IMMP2L: variants seen among roughly 807,000 people sequenced by gnomAD.
IMMP2L encodes inner mitochondrial membrane peptidase subunit 2, also known as mitochondrial inner membrane protease subunit 2.
A neutral mutation model predicts 19.3 loss-of-function variants in IMMP2L; 18 were observed. That is an observed-to-expected ratio of 0.93 (90% CI 0.64 to 1.38). The LOEUF is 1.38. Ranked by LOEUF, IMMP2L falls within the 40% of genes most tolerant of loss-of-function variation. IMMP2L has a pLI of 0.00. For synonymous variants in IMMP2L, 76 were observed against 73.0 expected, an observed-to-expected ratio of 1.04 and a Z score of -0.21; for missense variants, 233 against 218.2, an observed-to-expected ratio of 1.07 and a Z score of -0.43.
intron 3 of IMMP2L, among the ~76,000 whole-genome samples, chr7:111,374,488 C>T (rs1023300933): frequency 6.6e-6 from 1 of 152,078 alleles, no homozygotes; most frequent in African/African-American, 2.4e-5. Flanking sequence ...AACAATTCCA[C>T]AAAGTGAGCT....
Position 111,076,091 on chromosome 7 carries a change from A to AC in IMMP2L, c.240-112527_240-112526insG, listed in dbSNP as rs564920933. On this transcript the variant is annotated intron_variant, in intron 3 of 5. Coordinates refer to ENST00000405709, the MANE Select transcript of IMMP2L (RefSeq NM_032549.4). ...AGGAAAAAAAAGTTTGGTTCTTCAA[A>AC]TAGCCCCCCTCATGATATTGGTGGG... is the stretch of plus-strand genomic sequence containing the variant. 3.9e-4 allele frequency among the ~76,000 whole-genome samples: 59 copies of AC among 152,224 alleles called. 2 individuals are homozygous for AC. In the South Asian group the frequency reaches 9.8e-3, roughly 25 times the overall value.
At chr7:111,364,456 T>C (rs1732982498) in intron 3 of IMMP2L, among the ~76,000 whole-genome samples, 2 of 151,948 alleles carry the variant, frequency 1.3e-5, no homozygotes, top group Admixed American at 6.6e-5. Context: ...GTTCCTTTAT[T>C]AATAAAATGG....
At chr7:111,188,000 A>G (rs1403797471) in intron 3 of IMMP2L, among the ~76,000 whole-genome samples, 1 of 151,942 alleles carries the variant, frequency 6.6e-6, no homozygotes, top group Non-Finnish European at 1.5e-5. Flanking sequence ...GAGAAGTCCA[A>G]GTTGATTTGG....
At chr7:110,913,882 T>G (rs974367506) in intron 4 of IMMP2L, among the ~76,000 whole-genome samples, 1 of 152,144 alleles carries the variant, frequency 6.6e-6, no homozygotes, top group Non-Finnish European at 1.5e-5. Flanking sequence ...CAATTGCCCT[T>G]GTTTGAGGAA....
At chr7:111,310,000 C>T (rs1454344497) in intron 3 of IMMP2L, among the ~76,000 whole-genome samples, 1 of 151,978 alleles carries the variant, frequency 6.6e-6, no homozygotes, top group Non-Finnish European at 1.5e-5. Flanking sequence ...TTTGGGAGGC[C>T]AAGGCGGGTG....
intron 4 of IMMP2L, among the ~76,000 whole-genome samples, chr7:110,917,369 A>C (rs1164583180): frequency 6.6e-6 from 1 of 152,116 alleles, no homozygotes. Context: ...TTTTCTTTTC[A>C]TGCCTTTCCT....
At chr7:110,691,900 T>C (rs1364556607) in intron 5 of IMMP2L, among the ~76,000 whole-genome samples, 1 of 152,208 alleles carries the variant, frequency 6.6e-6, no homozygotes, top group Non-Finnish European at 1.5e-5. Flanking sequence ...AGTATGAAGA[T>C]TTCTCAAAGA....
intron 1 of IMMP2L, among the ~76,000 whole-genome samples, chr7:111,560,454 T>C (rs1485038795): frequency 1.3e-5 from 2 of 152,196 alleles, no homozygotes; most frequent in East Asian, 3.8e-4. Context: ...CTCATCTAAT[T>C]ATTATACTCG....
At chr7:111,238,006 T>G (rs1454586867) in intron 3 of IMMP2L, among the ~76,000 whole-genome samples, 7 of 152,082 alleles carry the variant, frequency 4.6e-5, no homozygotes, top group Non-Finnish European at 7.4e-5. Context: ...TTTATTAAGT[T>G]TAATGTTATG....
intron 3 of IMMP2L, among the ~76,000 whole-genome samples, chr7:111,464,508 C>T (rs1179119777): frequency 6.6e-6 from 1 of 152,134 alleles, no homozygotes; most frequent in Admixed American, 6.5e-5. Context: ...GTAAAGTTTA[C>T]AAGTCACAGG....
chr7:110,687,184 G>A (rs1793176425), intron 5 of IMMP2L, among the ~76,000 whole-genome samples: 1 of 151,984 alleles, frequency 6.6e-6, no homozygotes, highest in Non-Finnish European at 1.5e-5. Context: ...TTCCTGTTAA[G>A]TATTATTCTT....
chr7:111,144,922 A>G (rs1408154588), intron 3 of IMMP2L, among the ~76,000 whole-genome samples: 1 of 152,128 alleles, frequency 6.6e-6, no homozygotes, highest in Non-Finnish European at 1.5e-5. Context: ...AAACATGAAT[A>G]TTGTCTTAAA....
chr7:111,474,196 A>G (rs1004764187), intron 3 of IMMP2L, among the ~76,000 whole-genome samples: 1 of 152,028 alleles, frequency 6.6e-6, no homozygotes, highest in African/African-American at 2.4e-5. Context: ...AAGGGGGAAA[A>G]AGGTTGATAA....
At chr7:111,056,835 A>G (rs1340102904) in intron 3 of IMMP2L, among the ~76,000 whole-genome samples, 2 of 152,018 alleles carry the variant, frequency 1.3e-5, no homozygotes, top group African/African-American at 4.8e-5. Flanking sequence ...AATCATCTTC[A>G]CCTTGAGTAG....
At chr7:111,200,741 C>G (rs1054767070) in intron 3 of IMMP2L, among the ~76,000 whole-genome samples, 1 of 152,094 alleles carries the variant, frequency 6.6e-6, no homozygotes, top group Admixed American at 6.6e-5. Flanking sequence ...GCAATCAACT[C>G]TGCCCTGGCA....
At chr7:111,228,962 A>C (rs1813406452) in intron 3 of IMMP2L, among the ~76,000 whole-genome samples, 1 of 126,168 alleles carries the variant, frequency 7.9e-6, no homozygotes, top group Non-Finnish European at 1.7e-5. Context: ...AAACACTAGC[A>C]ATGCGTGTGT....
intron 5 of IMMP2L, among the ~76,000 whole-genome samples, chr7:110,867,041 C>A (rs996130142): frequency 2.0e-5 from 3 of 151,972 alleles, no homozygotes; most frequent in African/African-American, 7.2e-5. Context: ...CATCTTCACT[C>A]AATAACTTAT....
At chr7:111,376,825 T>C (rs1830719756) in intron 3 of IMMP2L, among the ~76,000 whole-genome samples, 1 of 152,124 alleles carries the variant, frequency 6.6e-6, no homozygotes, top group Non-Finnish European at 1.5e-5. Context: ...ATTCCATTTA[T>C]ATGAAATGTT....
At chr7:111,105,579 G>C (rs533839492) in intron 3 of IMMP2L, among the ~76,000 whole-genome samples, 174 of 151,862 alleles carry the variant, frequency 1.1e-3, no homozygotes, top group Non-Finnish European at 3.7e-4. Flanking sequence ...CTGGCTGGGG[G>C]GAAAACACCC....
Sources: allele counts gnomAD v4.1 joint callset (sites outside exome capture counted in the v4.1 genomes callset), GRCh38; gene constraint gnomAD v4.1.1; transcripts MANE v1.5; gene names NCBI Gene and HGNC (gene_info 2026-07-23, HGNC 2026-07-21).